Variants in MAP2K6 observed in about 807,000 individuals in gnomAD.
The protein encoded by MAP2K6 is mitogen-activated protein kinase kinase 6, also known as dual specificity mitogen-activated protein kinase kinase 6.
MAP2K6 carries 16 observed loss-of-function variants against 53.7 expected under a neutral mutation model. The ratio of observed to expected loss-of-function variants is 0.30; its 90% CI spans 0.20 to 0.45. The LOEUF (loss-of-function observed/expected upper bound fraction) is 0.45, where lower values mean the gene tolerates loss of function less well. Ranked by LOEUF, MAP2K6 falls within the 20% of genes least tolerant of loss-of-function variation. The pLI is 1.00. For synonymous variants in MAP2K6, 132 were observed against 143.1 expected (o/e 0.92, Z 0.55); for missense variants, 204 against 411.9 (o/e 0.50, Z 4.37).
At chr17:69,465,409 T>C (rs1057394113) in intron 1 of MAP2K6, among the ~76,000 whole-genome samples, 2 of 152,114 alleles carry the variant, frequency 1.3e-5, no homozygotes, top group Non-Finnish European at 2.9e-5. Context: ...TCAGCAAAGG[T>C]AAACATTTCT....
intron 1 of MAP2K6, among the ~76,000 whole-genome samples, chr17:69,483,945 A>C (rs958749175): frequency 6.6e-6 from 1 of 152,100 alleles, no homozygotes; most frequent in Non-Finnish European, 1.5e-5. Flanking sequence ...AAAAACTACA[A>C]TTAACCAAAT....
intron 1 of MAP2K6, among the ~76,000 whole-genome samples, chr17:69,475,568 A>G (rs376002479): frequency 5.9e-5 from 9 of 152,358 alleles, no homozygotes; most frequent in African/African-American, 2.2e-4. Context: ...ACGTGTGTAC[A>G]CACAAAGAAC....
intron 1 of MAP2K6, among the ~76,000 whole-genome samples, chr17:69,424,647 A>G (rs1598254803): frequency 6.6e-6 from 1 of 152,348 alleles, no homozygotes; most frequent in East Asian, 1.9e-4. Context: ...AATCCATTAC[A>G]CCAAAGACAT....
rs1198367826 is a variant in MAP2K6, at chr17:69,414,812, G to GA, written c.-173_-172insA. The GA allele has an allele frequency of 2.7e-5, 17 of 622,364 alleles. No individual in the cohort carries two copies. The highest frequency in any genetic ancestry group is 1.5e-4 in the Admixed American group (5 of 34,100). The allele number at this position is 622,364 out of a possible 1,614,324, so 38.6% of individuals were successfully genotyped here. A position where few individuals can be genotyped will look rare whatever the true frequency, so the allele number is the denominator to read the frequency against. ...CACTTTCCAGTCTGTTTTGCAAGGT[G>GA]TGCATTTCCATCTTGATTCCCTGAA... On this transcript the variant is annotated 5_prime_UTR_variant, in exon 1 of 12. The change creates a new upstream start codon in the 5' untranslated region. Transcript: ENST00000590474.
chr17:69,519,849 A>C, intron 5 of MAP2K6: 1 of 218,596 alleles, frequency 4.6e-6, no homozygotes, highest in Non-Finnish European at 9.0e-6. Context: ...TTAGCGTTAT[A>C]TGGATTATGA....
chr17:69,437,603 T>C (rs1426065002), intron 1 of MAP2K6, among the ~76,000 whole-genome samples: 1 of 152,254 alleles, frequency 6.6e-6, no homozygotes, highest in African/African-American at 2.4e-5. Context: ...TTCACCATTT[T>C]AATGATTTTA....
intron 10 of MAP2K6, among the ~76,000 whole-genome samples, chr17:69,531,960 A>T (rs377750701): frequency 1.3e-5 from 2 of 152,162 alleles, no homozygotes; most frequent in African/African-American, 4.8e-5. Flanking sequence ...TACACTTTTC[A>T]TTATAAACTC....
At chr17:69,528,513 G>GTTAT (rs373998318) in intron 10 of MAP2K6, among the ~76,000 whole-genome samples, 38 of 152,102 alleles carry the variant, frequency 2.5e-4, no homozygotes, top group African/African-American at 8.9e-4. Context: ...TGGTTGGTTG[G>GTTAT]TTATTTATTT....
intron 1 of MAP2K6, among the ~76,000 whole-genome samples, chr17:69,439,384 A>G (rs1258981384): frequency 2.6e-5 from 4 of 152,192 alleles, no homozygotes; most frequent in African/African-American, 4.8e-5. Context: ...CCTTTCATCA[A>G]TTCTCGATTT....
intron 1 of MAP2K6, among the ~76,000 whole-genome samples, chr17:69,504,832 A>G (rs1274298825): frequency 6.6e-6 from 1 of 152,178 alleles, no homozygotes; most frequent in African/African-American, 2.4e-5. Flanking sequence ...AAGAAGTTAT[A>G]ACTTCCTTGC....
At chr17:69,417,334 A>C (rs921482043) in intron 1 of MAP2K6, among the ~76,000 whole-genome samples, 4 of 152,336 alleles carry the variant, frequency 2.6e-5, no homozygotes, top group Admixed American at 6.5e-5. Flanking sequence ...GTATTGAAGA[A>C]TTTAACAATA....
intron 1 of MAP2K6, among the ~76,000 whole-genome samples, chr17:69,493,307 T>TTG (rs3216905): frequency 0.029 from 4,281 of 150,140 alleles, 210 homozygotes; most frequent in African/African-American, 0.093. Flanking sequence ...GTGTATGTGT[T>TTG]TGTGTGTGTG....
At chr17:69,466,373 C>T (rs899353134) in intron 1 of MAP2K6, among the ~76,000 whole-genome samples, 3 of 151,906 alleles carry the variant, frequency 2.0e-5, no homozygotes, top group Non-Finnish European at 4.4e-5. Flanking sequence ...CCTTTATCTT[C>T]CCTTCCTCTA....
At chr17:69,520,956 C>G in intron 6 of MAP2K6, 93 bp from the exon 7 acceptor site, 1 of 989,682 alleles carries the variant, frequency 1.0e-6, no homozygotes, top group South Asian at 1.6e-5. Context: ...TCACTGGTAA[C>G]CTAAAGCCAA....
chr17:69,488,485 G>A (rs1469799468), intron 1 of MAP2K6, among the ~76,000 whole-genome samples: 2 of 152,144 alleles, frequency 1.3e-5, no homozygotes, highest in Non-Finnish European at 2.9e-5. Flanking sequence ...GTTCCTTGCA[G>A]CACTATTCAC....
chr17:69,414,923 T>A lies in MAP2K6; in HGVS notation c.-62T>A, dbSNP rs1358668926. ...CTTGCATCTTTGTTGCAAAACTAGC[T>A]ACAGAAGAGAAGCAAGGCAAAGTCT... On this transcript the variant is annotated 5_prime_UTR_variant, in exon 1 of 12. Coordinates refer to ENST00000590474, the MANE Select transcript of MAP2K6 (RefSeq NM_002758.4). The A allele has an allele frequency of 6.8e-7, 1 of 1,475,822 alleles. No homozygotes were observed. Among genetic ancestry groups the A allele is most frequent in the Non-Finnish European group, 9.4e-7 (1 of 1,058,668 alleles). 91.4% of individuals were successfully genotyped at this position (1,475,822 alleles called of 1,614,324 possible).
chr17:69,475,345 T>G (rs1201167936), intron 1 of MAP2K6, among the ~76,000 whole-genome samples: 1 of 151,834 alleles, frequency 6.6e-6, no homozygotes, highest in Non-Finnish European at 1.5e-5. Flanking sequence ...ATTTTTTGTA[T>G]TTTTAGTAGA....
Position 69,526,588 on chromosome 17 carries a change from C to T in MAP2K6, c.760C>T (p.Arg254Ter). The T allele has an allele frequency of 6.2e-7, 1 of 1,613,760 alleles. No individual in the cohort carries two copies. Among genetic ancestry groups the T allele is most frequent in the Non-Finnish European group, 8.5e-7 (1 of 1,179,966 alleles). The change falls in exon 10 of 12, where the codon CGA (arginine) becomes TGA (stop). Residue 254 changes from arginine to a stop codon, truncating the protein, a stop_gained. Coordinates refer to ENST00000590474, the MANE Select transcript of MAP2K6 (RefSeq NM_002758.4). LOFTEE classifies it high-confidence loss of function. The stretch of plus-strand genomic sequence containing the variant: ...TCTCCAGATTGAGTTGGCCATCCTT[C>T]GATTTCCCTATGATTCATGGGGAAC... Reference protein sequence around the residue: ...GITMIELAILRFPYDSWGTPF... With the variant: ...GITMIELAIL
chr17:69,469,286 A>G (rs540622032), intron 1 of MAP2K6, among the ~76,000 whole-genome samples: 1 of 152,320 alleles, frequency 6.6e-6, no homozygotes, highest in African/African-American at 2.4e-5. Context: ...TTTAAGGACT[A>G]TTTTGAGCCC....
Sources: gnomAD v4.1 joint callset for allele counts (sites outside exome capture counted in the v4.1 genomes callset) on GRCh38, gnomAD v4.1.1 for gene constraint, MANE v1.5 for transcripts, NCBI Gene and HGNC (gene_info 2026-07-23, HGNC 2026-07-21) for gene names.